The following DYSF variants were observed in gnomAD, a reference collection of about 807,000 sequenced individuals.
DYSF encodes dysferlin.
A neutral mutation model predicts 274.9 loss-of-function variants in DYSF; 212 were observed. The observed-to-expected ratio is 0.77, with a 90% CI of 0.69 to 0.86. DYSF has a LOEUF of 0.86. Among genes scored for constraint, DYSF ranks in the 40% least tolerant of loss-of-function variants. DYSF has a pLI of 0.00. For missense variants in DYSF, 2,666 were observed against 2,783.2 expected (o/e 0.96, Z 0.95); for synonymous variants, 1,091 against 1,078.7 (o/e 1.01, Z -0.22).
At chr2:71,654,150 T>G (rs2094722790) in intron 42 of DYSF, among the ~76,000 whole-genome samples, 1 of 152,262 alleles carries the variant, frequency 6.6e-6, no homozygotes, top group Non-Finnish European at 1.5e-5. Flanking sequence ...CCCGTGCAAG[T>G]TTCTCTATTA....
At chr2:71,478,826 C>T (rs1255713909) in intron 1 of DYSF, among the ~76,000 whole-genome samples, 1 of 148,666 alleles carries the variant, frequency 6.7e-6, no homozygotes, top group African/African-American at 2.6e-5. Flanking sequence ...CTCTCACGTG[C>T]TCTCTTTCTC....
intron 23 of DYSF, among the ~76,000 whole-genome samples, 187 bp downstream of exon 23, chr2:71,562,131 G>A (rs559226626): frequency 6.3e-4 from 96 of 152,308 alleles, no homozygotes; most frequent in Non-Finnish European, 1.1e-3. Flanking sequence ...GAGAGGGTAC[G>A]ATGGAATACT....
At chr2:71,583,180 G>A (rs2092953428) in intron 30 of DYSF, among the ~76,000 whole-genome samples, 2 of 152,046 alleles carry the variant, frequency 1.3e-5, no homozygotes, top group Admixed American at 6.6e-5. Context: ...TTAACAACTG[G>A]CTTGCAGAAT....
In DYSF at chr2:71,658,897, C is replaced by T. The variant is rs1374069335; in HGVS notation, c.4775C>T (p.Pro1592Leu). The T allele has an allele frequency of 1.9e-6, 3 of 1,613,964 alleles. No individual in the cohort carries two copies. The highest frequency in any genetic ancestry group is 2.7e-5 in the African/African-American group (2 of 74,868). ...GEFKGLFKIY[P>L]LPEDPAIPMP... ...TTTCAGGGCCTCTTCAAAATTTATC[C>T]CCTCCCAGAAGACCCAGCCATCCCC... is the stretch of plus-strand genomic sequence containing the variant. Residue 1592 changes from proline to leucine, a missense_variant, in exon 44 of 56, where the codon CCC becomes CTC. This residue lies in a region of DYSF where 1,460 missense variants were observed against 1,502.1 expected (regional missense o/e 0.97). Coordinates refer to ENST00000410020, the MANE Select transcript of DYSF (RefSeq NM_001130987.2).
chr2:71,534,843 C>A (rs114705380), intron 14 of DYSF, among the ~76,000 whole-genome samples, 178 bp from the exon 15 acceptor site: 239 of 152,304 alleles, frequency 1.6e-3, no homozygotes, highest in African/African-American at 5.5e-3. Flanking sequence ...TGAGCTTTGT[C>A]TCTGCAAAGA....
Position 71,611,509 on chromosome 2 carries a change from CA to C in DYSF, c.4106del (p.Asn1369ThrfsTer9), listed in dbSNP as rs2093760928. 6.2e-7 allele frequency: 1 copy of C among 1,614,126 alleles called. No individual in the cohort carries two copies. The highest frequency in any genetic ancestry group is 8.5e-7 in the Non-Finnish European group (1 of 1,180,016). ...GGAACATGAAGAGTTACCAGCTGGC[CA>C]ACATCTCCTCCCCCAGCCTCGTGGT... is the stretch of plus-strand genomic sequence containing the variant. ...LRNMKSYQLA[N>X]ISSPSLVVEC... On this transcript the variant is annotated frameshift_variant, in exon 38 of 56. Coordinates refer to ENST00000410020, the MANE Select transcript of DYSF (RefSeq NM_001130987.2). LOFTEE classifies it high-confidence loss of function.
chr2:71,678,912 C>T (rs892665281), intron 52 of DYSF, 145 bp from the exon 53 acceptor site: 29 of 723,366 alleles, frequency 4.0e-5, no homozygotes, highest in Middle Eastern at 3.6e-4. Context: ...GTGGAGAGTT[C>T]GTGAGATTTT....
rs956062370 is a variant in DYSF at position 71,455,837 on chromosome 2, T to C, written c.88+1751T>C. ...CTTCCACTCAGCCTGAACCAGATTT[T>C]CTTCCACCTTCCCTGACCACATGCC... is the stretch of plus-strand genomic sequence containing the variant. On this transcript the variant is annotated intron_variant, in intron 1 of 54. Transcript: ENST00000258104. Among the ~76,000 whole-genome samples, 3 of 152,250 alleles carry C rather than the reference T, an allele frequency of 2.0e-5. No homozygotes were observed. The East Asian group carries it at 5.8e-4, about 29-fold the overall frequency.
intron 41 of DYSF, among the ~76,000 whole-genome samples, chr2:71,637,407 C>G (rs2094421928): frequency 6.6e-6 from 1 of 152,132 alleles, no homozygotes; most frequent in Admixed American, 6.5e-5. Flanking sequence ...GGGGAAGTCT[C>G]TTCTGGTTGC....
intron 42 of DYSF, among the ~76,000 whole-genome samples, chr2:71,655,439 A>G (rs756052265): frequency 6.6e-6 from 1 of 152,230 alleles, no homozygotes; most frequent in Non-Finnish European, 1.5e-5. Context: ...TTTAGCATGT[A>G]TGTTAACCTG....
In DYSF at chr2:71,472,608, A is replaced by G. The variant is rs375188078; in HGVS notation, c.91+5675A>G. Among the ~76,000 whole-genome samples, 444 of 152,186 alleles carry G rather than the reference A, an allele frequency of 2.9e-3. 2 individuals are homozygous for G. Among genetic ancestry groups the G allele is most frequent in the South Asian group, 0.02 (98 of 4,826 alleles). ...TTTTTAGTAGAGACGGGGTTTCACC[A>G]TGTTAGCCAGGATGGTCTGGATCTC... On this transcript the variant is annotated intron_variant, in intron 1 of 55. Transcript: ENST00000410020.
At chr2:71,552,291 G>A (rs948732147) in intron 19 of DYSF, among the ~76,000 whole-genome samples, 2 of 152,166 alleles carry the variant, frequency 1.3e-5, no homozygotes, top group East Asian at 1.9e-4. Flanking sequence ...AGCACTTACC[G>A]GCTGCATCAG....
intron 41 of DYSF, among the ~76,000 whole-genome samples, chr2:71,640,734 T>G (rs1231606368): frequency 7.3e-6 from 1 of 136,638 alleles, no homozygotes; most frequent in Admixed American, 7.4e-5. Context: ...AGGAATGAGA[T>G]TAATCCGTGT....
At chr2:71,525,821 G>A (rs2087818281) in intron 12 of DYSF, among the ~76,000 whole-genome samples, 1 of 152,170 alleles carries the variant, frequency 6.6e-6, no homozygotes, top group Non-Finnish European at 1.5e-5. Flanking sequence ...AGTAGCTAAT[G>A]GCTGGGTGAA....
chr2:71,570,929 G>T (rs2092383689), intron 29 of DYSF, 188 bp downstream of exon 29: 7 of 773,542 alleles, frequency 9.0e-6, no homozygotes, highest in Non-Finnish European at 1.2e-5. Flanking sequence ...CATACACACA[G>T]ATCACACCCA....
At chr2:71,533,757 T>C (rs2089002503) in intron 14 of DYSF, among the ~76,000 whole-genome samples, 1 of 152,222 alleles carries the variant, frequency 6.6e-6, no homozygotes, top group African/African-American at 2.4e-5. Context: ...AGTTTTCCCA[T>C]AGCCTTGCCA....
At chr2:71,567,771 G>A (rs368346263) in intron 24 of DYSF, among the ~76,000 whole-genome samples, 180 bp from the exon 25 acceptor site, 3 of 152,096 alleles carry the variant, frequency 2.0e-5, no homozygotes, top group Non-Finnish European at 2.9e-5. Context: ...TGGGGTGGAC[G>A]TTTCTTAATT....
chr2:71,598,749 AG>A lies in DYSF; in HGVS notation c.3756+5del. 1 of 1,611,166 alleles carries A rather than the reference AG, an allele frequency of 6.2e-7. No homozygotes were observed. Among genetic ancestry groups the A allele is most frequent in the Non-Finnish European group, 8.5e-7 (1 of 1,179,996 alleles). On this transcript the variant is annotated splice_donor_5th_base_variant and intron_variant, in intron 33 of 55. Coordinates refer to ENST00000410020, the MANE Select transcript of DYSF (RefSeq NM_001130987.2). ...GCTGTACGACCATGACACTTATGTG[AG>A]TCTGCCCAGCTCCTGCCTCGTCCCC...
At chr2:71,496,536 T>C (rs2084414828) in intron 3 of DYSF, among the ~76,000 whole-genome samples, 2 of 152,138 alleles carry the variant, frequency 1.3e-5, no homozygotes, top group African/African-American at 4.8e-5. Context: ...CGTAGACATA[T>C]AGCTGTCTAT....
Sources: allele counts gnomAD v4.1 joint callset (sites outside exome capture counted in the v4.1 genomes callset), GRCh38; gene constraint gnomAD v4.1.1; regional missense constraint gnomAD v4.1.1; transcripts MANE v1.5; gene names NCBI Gene and HGNC (gene_info 2026-07-23, HGNC 2026-07-21).